Variants in PPP1R10 observed in about 807,000 individuals in gnomAD.
The protein encoded by PPP1R10 is serine/threonine-protein phosphatase 1 regulatory subunit 10.
Under a neutral mutation model 99.0 loss-of-function variants are expected in PPP1R10, and 15 were observed. The observed-to-expected ratio is 0.15, with a 90% CI of 0.10 to 0.23. The LOEUF is 0.23. Ranked by LOEUF, PPP1R10 falls within the 10% of genes least tolerant of loss-of-function variation. PPP1R10 has a pLI of 1.00. For missense variants in PPP1R10, 947 were observed against 1,259.4 expected (o/e 0.75, Z 3.75); for synonymous variants, 430 against 449.5 (o/e 0.96, Z 0.55).
chr6:30,608,747 A>G, intron 5 of PPP1R10, 32 bp downstream of exon 5: 2 of 1,604,540 alleles, frequency 1.2e-6, no homozygotes, highest in South Asian at 2.2e-5. Context: ...AAACCAAAAA[A>G]GGAAGAATCA....
chr6:30,610,034 C>T (rs1804395233), intron 2 of PPP1R10, 79 bp from the exon 3 acceptor site: 2 of 856,566 alleles, frequency 2.3e-6, no homozygotes, highest in Non-Finnish European at 3.9e-6. Flanking sequence ...CTCTAATAAA[C>T]CACATCTCTA....
At chr6:30,608,946 G>C in intron 4 of PPP1R10, 32 bp from the exon 5 acceptor site, 1 of 1,613,888 alleles carries the variant, frequency 6.2e-7, no homozygotes, top group Non-Finnish European at 8.5e-7. Flanking sequence ...TATCAGTAAT[G>C]CCCTTTCTAG....
Position 30,603,529 on chromosome 6 carries a change from G to A in PPP1R10, c.1710C>T (p.Gly570=). The A allele has an allele frequency of 6.2e-7, 1 of 1,613,918 alleles. No individual in the cohort carries two copies. The highest frequency in any genetic ancestry group is 8.5e-7 in the Non-Finnish European group (1 of 1,179,932). ...NLMGSMGAGK[G]PQGPGGGGIN... is the part of the protein sequence containing the mutation. ...TGCCTCCTCCTCCAGGGCCTTGGGG[G>A]CCCTTTCCAGCACCCATGCTTCCCA... is the stretch of plus-strand genomic sequence containing the variant. Residue 570 remains glycine (G), a synonymous_variant, in exon 16 of 20, where the codon GGC becomes GGT. Coordinates refer to ENST00000376511, the MANE Select transcript of PPP1R10 (RefSeq NM_002714.4).
intron 19 of PPP1R10, 123 bp downstream of exon 19, chr6:30,601,813 G>C (rs1179170729): frequency 4.5e-6 from 6 of 1,326,804 alleles, no homozygotes; most frequent in African/African-American, 3.0e-5. Flanking sequence ...ATGCATACTA[G>C]GACATCAAAG....
chr6:30,617,089 A>C (rs1333681206), intron 1 of PPP1R10, 91 bp from the exon 2 acceptor site: 1 of 152,500 alleles, frequency 6.6e-6, no homozygotes, highest in Non-Finnish European at 1.5e-5. Flanking sequence ...TCCCCAAACA[A>C]ACCTGTGTCC....
At chr6:30,603,431 A>G (rs1383613980) in intron 16 of PPP1R10, 41 bp downstream of exon 16, 1 of 1,592,778 alleles carries the variant, frequency 6.3e-7, no homozygotes, top group African/African-American at 1.3e-5. Flanking sequence ...GAGCTTAAGG[A>G]GGCTCCACAG....
chr6:30,609,722 A>G lies in PPP1R10; in HGVS notation c.107+116T>C, dbSNP rs1804351274. ...AATTGTTACATTTTAATCCTATTGC[A>G]CTGACTATCTTTCCCTTTCCTTTCC... On this transcript the variant is annotated intron_variant, in intron 3 of 19. Coordinates refer to ENST00000376511, the MANE Select transcript of PPP1R10 (RefSeq NM_002714.4). This position sits in a 1 kb window ranked among gnomAD's most constrained non-coding sequence, Gnocchi z 4.5. 3 of 881,704 alleles carry G rather than the reference A, an allele frequency of 3.4e-6. No homozygotes were observed. The highest frequency in any genetic ancestry group is 5.6e-6 in the Non-Finnish European group (3 of 534,570). 54.6% of individuals were successfully genotyped at this position (881,704 alleles called of 1,614,324 possible). A position where few individuals can be genotyped will look rare whatever the true frequency, so the allele number is the denominator to read the frequency against.
intron 2 of PPP1R10, among the ~76,000 whole-genome samples, chr6:30,615,538 A>G (rs1760391421): frequency 6.6e-6 from 1 of 152,208 alleles, no homozygotes; most frequent in Non-Finnish European, 1.5e-5. Flanking sequence ...CAAAAGGACA[A>G]GGAAAGTCGC....
intron 2 of PPP1R10, among the ~76,000 whole-genome samples, chr6:30,614,223 C>G (rs1340122971): frequency 6.6e-6 from 1 of 151,358 alleles, no homozygotes; most frequent in African/African-American, 2.4e-5. Context: ...AAGAGGACAT[C>G]ATTTTTTCAT....
Position 30,602,497 on chromosome 6 carries a change from G to C in PPP1R10, c.2152C>G (p.Pro718Ala), listed in dbSNP as rs781311641. ...CTGGCGCCTCGGAATGGAGGAGGAGGAGGAGGAGGTTCGTTTCCTCCTCGG... is the reference window on the plus strand; with the variant it reads ...CTGGCGCCTCGGAATGGAGGAGGAGCAGGAGGAGGTTCGTTTCCTCCTCGG... ...GGRGGNEPPP[P>A]PPPFRGARGG... Residue 718 changes from proline to alanine, a missense_variant, in exon 19 of 20, where the codon CCT becomes GCT. Physicochemically the swap from Pro to Ala is conservative, Grantham distance 27 (BLOSUM62 -1). Around this residue, in one of 10 missense-constraint regions of PPP1R10, gnomAD observed 525 missense variants for 578.8 expected, o/e 0.91. Coordinates refer to ENST00000376511, the MANE Select transcript of PPP1R10 (RefSeq NM_002714.4). The surrounding 1 kb of genome is among the most constrained non-coding windows in gnomAD (Gnocchi z 6.7). 6.3e-7 allele frequency: 1 copy of C among 1,577,096 alleles called. No individual in the cohort carries two copies. The highest frequency in any genetic ancestry group is 1.1e-5 in the South Asian group (1 of 87,138).
At chr6:30,603,358 T>C in intron 16 of PPP1R10, 73 bp from the exon 17 acceptor site, 1 of 1,578,300 alleles carries the variant, frequency 6.3e-7, no homozygotes, top group African/African-American at 1.4e-5. Flanking sequence ...GCGCCAAAGA[T>C]TAGGGGTAAG....
At chr6:30,607,713 G>C in intron 6 of PPP1R10, 127 bp downstream of exon 6, 1 of 1,031,708 alleles carries the variant, frequency 9.7e-7, no homozygotes, top group Non-Finnish European at 1.5e-6. Context: ...TTTAAAAGAA[G>C]GAAAAAAAGC....
chr6:30,608,526 C>T (rs896911218), intron 5 of PPP1R10, among the ~76,000 whole-genome samples: 4 of 152,240 alleles, frequency 2.6e-5, no homozygotes, highest in Middle Eastern at 3.4e-3. Flanking sequence ...TGGTCTCAGT[C>T]TCCTGACCTC....
intron 19 of PPP1R10, 128 bp from the exon 20 acceptor site, chr6:30,601,786 A>G: frequency 1.5e-6 from 2 of 1,313,404 alleles, no homozygotes; most frequent in Non-Finnish European, 2.1e-6. Flanking sequence ...GGGGAAGGGC[A>G]TAGAGTAGGA....
chr6:30,605,423 T>A (rs1803827475), intron 10 of PPP1R10, among the ~76,000 whole-genome samples: 1 of 152,024 alleles, frequency 6.6e-6, no homozygotes, highest in African/African-American at 2.4e-5. Context: ...ATCTTATCTC[T>A]AAAATTACTC....
rs752824721 is a variant in PPP1R10 at position 30,601,391 on chromosome 6, C to G, written c.*158G>C. 9.6e-6 allele frequency: 6 copies of G among 625,678 alleles called. No individual in the cohort carries two copies. Among genetic ancestry groups the G allele is most frequent in the Non-Finnish European group, 1.7e-5 (6 of 352,664 alleles). The allele number at this position is 625,678 out of a possible 1,614,324, so 38.8% of individuals were successfully genotyped here. A position where few individuals can be genotyped will look rare whatever the true frequency, so the allele number is the denominator to read the frequency against. On this transcript the variant is annotated 3_prime_UTR_variant, in exon 20 of 20. Transcript: ENST00000376511. Reference sequence around the variant, plus strand: ...ATGTACATCAATGCGCACCAGTGATCAGAAAACCCCCAGGAACCCAAGCAA... The same window carrying G: ...ATGTACATCAATGCGCACCAGTGATGAGAAAACCCCCAGGAACCCAAGCAA...
At position 30,602,997 on chromosome 6, in the gene PPP1R10, C is replaced by T; in HGVS notation, c.1844-38G>A. 1 of 1,488,724 alleles carries T rather than the reference C, an allele frequency of 6.7e-7. No individual in the cohort carries two copies. The allele number at this position is 1,488,724 out of a possible 1,614,324, so 92.2% of individuals were successfully genotyped here. On this transcript the variant is annotated intron_variant, in intron 17 of 19. Transcript: ENST00000376511. This position sits in a 1 kb window ranked among gnomAD's most constrained non-coding sequence, Gnocchi z 6.7. ...ACAAGAGTAACACAGCATGAGCACT[C>T]TAGAAGACTAGCATGATCTCCCATT... is the stretch of plus-strand genomic sequence containing the variant.
rs939903795 is a variant in PPP1R10, at chr6:30,604,485, C to A, written c.1129G>T (p.Ala377Ser). Residue 377 changes from alanine (A) to serine (S), a missense_variant, in exon 13 of 20, where the codon GCC (alanine) becomes TCC (serine). By Grantham distance (99) the Ala-to-Ser change is moderately conservative (BLOSUM62 1). Transcript: ENST00000376511. The surrounding 1 kb of genome is among the most constrained non-coding windows in gnomAD (Gnocchi z 7.3). ...TASLEPGALD[A>S]KPVESPGDPN... ...TCTCCAGGACTCTCCACTGGCTTGG[C>A]ATCCAGAGCTCCTGGCTCCAAAGAG... The A allele has an allele frequency of 6.2e-7, 1 of 1,613,078 alleles. No homozygotes were observed. Among genetic ancestry groups the A allele is most frequent in the Non-Finnish European group, 8.5e-7 (1 of 1,180,034 alleles).
intron 2 of PPP1R10, among the ~76,000 whole-genome samples, chr6:30,613,155 T>C (rs1804730931): frequency 6.6e-6 from 1 of 152,230 alleles, no homozygotes; most frequent in Non-Finnish European, 1.5e-5. Context: ...GATAAACGTC[T>C]GTGACACCAA....
Sources: gnomAD v4.1 joint callset for allele counts (sites outside exome capture counted in the v4.1 genomes callset) on GRCh38, gnomAD v4.1.1 for gene constraint, gnomAD v4.1.1 regional missense constraint, Gnocchi (gnomAD v3.1) non-coding constraint, MANE v1.5 for transcripts, NCBI Gene and HGNC (gene_info 2026-07-23, HGNC 2026-07-21) for gene names.